Variants in ITGA1 observed in about 807,000 individuals in gnomAD.
ITGA1 encodes integrin alpha-1.
A neutral mutation model predicts 145.9 loss-of-function variants in ITGA1; 85 were observed. That is an observed-to-expected ratio of 0.58 (90% confidence interval 0.49 to 0.70). The LOEUF is 0.70. ITGA1 is among the 30% of genes least tolerant of loss of function. The probability of loss-of-function intolerance (pLI) is 0.00; values close to 1 mark genes in which losing one functional copy is unlikely to be tolerated. For synonymous variants in ITGA1, 520 were observed against 495.3 expected (o/e 1.05, Z -0.66); for missense variants, 1,351 against 1,418.7 (o/e 0.95, Z 0.77).
At chr5:52,924,887 C>T (rs1311370377) in intron 18 of ITGA1, among the ~76,000 whole-genome samples, 2 of 152,278 alleles carry the variant, frequency 1.3e-5, no homozygotes, top group East Asian at 1.9e-4. Context: ...TCCACCCTCT[C>T]AACTGAGCTT....
At chr5:52,948,642 G>T (rs1022789077) in intron 28 of ITGA1, among the ~76,000 whole-genome samples, 1 of 152,140 alleles carries the variant, frequency 6.6e-6, no homozygotes, top group Non-Finnish European at 1.5e-5. Context: ...ACTTTATAAG[G>T]GATCAGTGTT....
At chr5:52,892,789 A>T (rs957524076) in intron 8 of ITGA1, among the ~76,000 whole-genome samples, 3 of 152,096 alleles carry the variant, frequency 2.0e-5, no homozygotes, top group Non-Finnish European at 4.4e-5. Context: ...GGAAAAATCA[A>T]AGCTATAAGG....
rs1388132562 is a variant in ITGA1, at chr5:52,955,350, TAGATAGATA to T, written c.*2900_*2908del. ...TGAGACAGATTACACGATAGACAGA[TAGATAGATA>T]GATAGATAGATAGATAGATAGATAG... On this transcript the variant is annotated 3_prime_UTR_variant, in exon 29 of 29. Coordinates refer to ENST00000282588, the MANE Select transcript of ITGA1 (RefSeq NM_181501.2). 7.9e-4 allele frequency: 4 copies of T among 5,058 alleles called. No individual in the cohort carries two copies. The highest frequency in any genetic ancestry group is 1.6e-3 in the African/African-American group (4 of 2,508). The allele number at this position is 5,058 out of a possible 1,614,324, so 0.3% of individuals were successfully genotyped here.
intron 1 of ITGA1, among the ~76,000 whole-genome samples, chr5:52,815,888 C>T (rs1748759430): frequency 6.6e-6 from 1 of 152,082 alleles, no homozygotes; most frequent in South Asian, 2.1e-4. Flanking sequence ...AGTTTATAAT[C>T]TTAATAAATT....
intron 15 of ITGA1, among the ~76,000 whole-genome samples, chr5:52,917,210 C>T (rs915505955): frequency 6.6e-6 from 1 of 152,158 alleles, no homozygotes; most frequent in African/African-American, 2.4e-5. Flanking sequence ...ATGGTCGAGG[C>T]AGCTTCATGC....
At chr5:52,820,530 A>AAAG (rs1554041636) in intron 1 of ITGA1, among the ~76,000 whole-genome samples, 1 of 151,292 alleles carries the variant, frequency 6.6e-6, no homozygotes, top group Non-Finnish European at 1.5e-5. Flanking sequence ...AATAAAAAAA[A>AAAG]AAAAGAAAAA....
Position 52,922,178 on chromosome 5 carries a change from G to A in ITGA1, c.2293-599G>A, listed in dbSNP as rs1469819052. On this transcript the variant is annotated intron_variant, in intron 17 of 28. Coordinates refer to ENST00000282588, the MANE Select transcript of ITGA1 (RefSeq NM_181501.2). The stretch of plus-strand genomic sequence containing the variant: ...TAGCTGGGTGTGGTGGCACATGCCT[G>A]TAATCCCAGCTAGTCGGGAGGCTGA... Among the ~76,000 whole-genome samples, 6 of 130,266 alleles carry A rather than the reference G, an allele frequency of 4.6e-5. No individual in the cohort carries two copies. In the South Asian group the frequency reaches 1.2e-3, roughly 25 times the overall value. The allele number at this position is 130,266 out of a possible 152,430, so 85.5% of individuals were successfully genotyped here.
rs1561245828 is a variant in ITGA1, at chr5:52,910,988, CTATATATAGTATGTATACTGTAT to C, written c.1857+570_1857+592del. 2.0e-3 allele frequency among the ~76,000 whole-genome samples: 245 copies of C among 121,856 alleles called. 6 individuals carry two copies. In the East Asian group the frequency reaches 0.043, roughly 21 times the overall value. 79.9% of individuals were successfully genotyped at this position (121,856 alleles called of 152,430 possible). A position where few individuals can be genotyped will look rare whatever the true frequency, so the allele number is the denominator to read the frequency against. On this transcript the variant is annotated intron_variant, in intron 14 of 28. Transcript: ENST00000282588. Reference sequence around the variant, plus strand: ...ATATATACTATATATAGTATGTATACTATATATAGTATGTATACTGTATATACTATATATAGTATGTATACTGT... The same window carrying C: ...ATATATACTATATATAGTATGTATACATACTATATATAGTATGTATACTGT...
At chr5:52,883,630 TG>T (rs1750000274) in intron 7 of ITGA1, among the ~76,000 whole-genome samples, 1 of 152,074 alleles carries the variant, frequency 6.6e-6, no homozygotes, top group South Asian at 2.1e-4. Context: ...TTCAAAGTTT[TG>T]TGTGTGTGTG....
At chr5:52,802,652 A>G (rs1229266535) in intron 1 of ITGA1, 1 of 152,130 alleles carries the variant, frequency 6.6e-6, no homozygotes, top group Non-Finnish European at 1.5e-5. Context: ...CCCAGTCTGG[A>G]CTTTAGTTCT....
At chr5:52,866,970 T>C (rs937566453) in intron 6 of ITGA1, 36 of 151,224 alleles carry the variant, frequency 2.4e-4, no homozygotes, top group African/African-American at 7.3e-4. Context: ...GTAGAGAGCA[T>C]AGGAGACTTT....
chr5:52,916,381 G>A (rs1004945007), intron 15 of ITGA1, among the ~76,000 whole-genome samples: 1 of 152,108 alleles, frequency 6.6e-6, no homozygotes. Flanking sequence ...AAGTCCGCAT[G>A]TTGATTCTCC....
At chr5:52,912,756 T>TA (rs1486659756) in intron 14 of ITGA1, among the ~76,000 whole-genome samples, 144 of 142,252 alleles carry the variant, frequency 1.0e-3, no homozygotes, top group African/African-American at 2.9e-3. Flanking sequence ...ATATATATAT[T>TA]TTTTTTTTGA....
intron 1 of ITGA1, among the ~76,000 whole-genome samples, chr5:52,812,967 G>A (rs1235094587): frequency 2.0e-5 from 3 of 152,000 alleles, no homozygotes; most frequent in Non-Finnish European, 4.4e-5. Flanking sequence ...ACTCAGTCCA[G>A]AGTTACCCTC....
intron 1 of ITGA1, among the ~76,000 whole-genome samples, chr5:52,829,395 CAAAAAGA>C (rs1749021495): frequency 6.6e-6 from 1 of 151,656 alleles, no homozygotes; most frequent in Non-Finnish European, 1.5e-5. Context: ...AAACATTTAA[CAAAAAGA>C]AAAAAGAAAA....
At chr5:52,814,637 T>C (rs1236886488) in intron 1 of ITGA1, among the ~76,000 whole-genome samples, 1 of 152,100 alleles carries the variant, frequency 6.6e-6, no homozygotes, top group Non-Finnish European at 1.5e-5. Flanking sequence ...ACCTTAAACC[T>C]GGCTTCAGTT....
chr5:52,866,338 C>T (rs942938918), intron 6 of ITGA1, among the ~76,000 whole-genome samples: 1 of 150,816 alleles, frequency 6.6e-6, no homozygotes, highest in African/African-American at 2.5e-5. Flanking sequence ...ATTTTCTAAA[C>T]AGAAAATATT....
intron 27 of ITGA1, 93 bp from the exon 28 acceptor site, chr5:52,947,252 C>A: frequency 1.4e-6 from 1 of 729,056 alleles, no homozygotes. Context: ...GAGATTAATG[C>A]ACTGGTAGAG....
At chr5:52,912,130 ATAG>A (rs1750563067) in intron 14 of ITGA1, among the ~76,000 whole-genome samples, 1 of 143,522 alleles carries the variant, frequency 7.0e-6, no homozygotes, top group Non-Finnish European at 1.5e-5. Context: ...TACACTATAT[ATAG>A]CGTATCTAGT....
Sources: gnomAD v4.1 joint callset for allele counts (sites outside exome capture counted in the v4.1 genomes callset) on GRCh38, gnomAD v4.1.1 for gene constraint, MANE v1.5 for transcripts, NCBI Gene and HGNC (gene_info 2026-07-23, HGNC 2026-07-21) for gene names.